GLI3: variants seen among roughly 807,000 people sequenced by gnomAD.
GLI3 encodes the protein transcription activator GLI3.
Under a neutral mutation model 100.8 loss-of-function variants are expected in GLI3, and 20 were observed. The observed-to-expected ratio is 0.20, with a 90% CI of 0.14 to 0.29. The LOEUF (loss-of-function observed/expected upper bound fraction) is 0.29, where lower values mean the gene tolerates loss of function less well. Among genes scored for constraint, GLI3 ranks in the 10% least tolerant of loss-of-function variants. The pLI is 1.00. For synonymous variants in GLI3, 938 were observed against 860.5 expected, an observed-to-expected ratio of 1.09 and a Z score of -1.58; for missense variants, 2,040 against 2,128.5, an observed-to-expected ratio of 0.96 and a Z score of 0.82.
At chr7:42,032,736 T>A (rs959239548) in intron 7 of GLI3, among the ~76,000 whole-genome samples, 5 of 152,064 alleles carry the variant, frequency 3.3e-5, no homozygotes, top group Non-Finnish European at 7.4e-5. Flanking sequence ...TAAGAGCTGA[T>A]TACAATATTC....
At chr7:42,129,793 G>C (rs1409151125) in intron 3 of GLI3, among the ~76,000 whole-genome samples, 3 of 152,008 alleles carry the variant, frequency 2.0e-5, no homozygotes, top group Non-Finnish European at 2.9e-5. Context: ...CTGGGCGACA[G>C]ACCGAGACTC....
At position 41,989,018 on chromosome 7, in the gene GLI3, A is replaced by G. The variant is rs142667019; in HGVS notation, c.1498-10270T>C. Among the ~76,000 whole-genome samples the G allele has an allele frequency of 4.1e-4, 63 of 152,318 alleles. 1 individual carries two copies. In the East Asian group the frequency reaches 0.012, roughly 29 times the overall value. ...TAAACTATTCTAAGACTCTGTGCAC[A>G]TCGTTTCTACAAGTTACTGAGCAGA... On this transcript the variant is annotated intron_variant, in intron 10 of 14. Transcript: ENST00000395925.
chr7:42,123,549 A>G (rs1168385809), intron 3 of GLI3, among the ~76,000 whole-genome samples: 1 of 152,270 alleles, frequency 6.6e-6, no homozygotes, highest in Non-Finnish European at 1.5e-5. Flanking sequence ...AATTCAGTTT[A>G]GGCACAACAC....
intron 2 of GLI3, among the ~76,000 whole-genome samples, chr7:42,183,789 G>C (rs1344781750): frequency 6.6e-6 from 1 of 152,124 alleles, no homozygotes; most frequent in Non-Finnish European, 1.5e-5. Context: ...CCTCTTCAGA[G>C]CTGGACCGTC....
chr7:42,254,499 ATG>A (rs1475433132), intron 1 of GLI3, among the ~76,000 whole-genome samples: 1 of 152,208 alleles, frequency 6.6e-6, no homozygotes, highest in African/African-American at 2.4e-5. Flanking sequence ...GAGCATTTAA[ATG>A]TGTCATGGAT....
At chr7:42,055,072 T>C (rs11771459) in intron 4 of GLI3, among the ~76,000 whole-genome samples, 3,008 of 135,738 alleles carry the variant, frequency 0.022, 34 homozygotes, top group Non-Finnish European at 0.031. Flanking sequence ...TATGTATACA[T>C]ATATATGTAT....
At chr7:42,122,898 C>A (rs772392705) in intron 3 of GLI3, among the ~76,000 whole-genome samples, 1 of 152,172 alleles carries the variant, frequency 6.6e-6, no homozygotes, top group Non-Finnish European at 1.5e-5. Context: ...TACTAGAACA[C>A]GCAAGAGTGT....
chr7:42,172,426 G>A (rs1212119635), intron 2 of GLI3: 4 of 624,766 alleles, frequency 6.4e-6, no homozygotes, highest in Non-Finnish European at 1.2e-5. Flanking sequence ...TCAAAAAGCA[G>A]AATTAGATAG....
At chr7:42,089,143 A>G (rs1785164730) in intron 3 of GLI3, among the ~76,000 whole-genome samples, 1 of 152,174 alleles carries the variant, frequency 6.6e-6, no homozygotes, top group Non-Finnish European at 1.5e-5. Flanking sequence ...GTCTGCATCT[A>G]TACCTTGTAC....
At chr7:42,172,722 G>A (rs1383804923) in intron 2 of GLI3, 1 of 677,830 alleles carries the variant, frequency 1.5e-6, no homozygotes. Flanking sequence ...CAGTGGAGCT[G>A]AGAGTTTTCC....
Position 41,966,225 on chromosome 7 carries a change from T to G in GLI3, c.2848A>C (p.Arg950=). The change falls in exon 15 of 15, where the codon AGG becomes CGG. Residue 950 remains arginine (R), a synonymous_variant. Transcript: ENST00000395925. This position sits in a 1 kb window ranked among gnomAD's most constrained non-coding sequence, Gnocchi z 5.8. ...GCCAGGCGCGTCTTCAGGCTCATCC[T>G]CTCCATGTTGGGCAGGGGCGTCGGC... ...PPPTPLPNME[R]MSLKTRLALL... 6.2e-7 allele frequency: 1 copy of G among 1,608,790 alleles called. No individual in the cohort carries two copies. The highest frequency in any genetic ancestry group is 8.5e-7 in the Non-Finnish European group (1 of 1,179,006).
chr7:42,146,285 C>T lies in GLI3; in HGVS notation c.367+1941G>A, dbSNP rs78046089. 5.6e-3 allele frequency among the ~76,000 whole-genome samples: 847 copies of T among 152,268 alleles called. 10 individuals are homozygous for T. Among genetic ancestry groups the T allele is most frequent in the African/African-American group, 0.019 (800 of 41,532 alleles). On this transcript the variant is annotated intron_variant, in intron 3 of 14. Coordinates refer to ENST00000395925, the MANE Select transcript of GLI3 (RefSeq NM_000168.6). ...ATTCAGATCCCCCTAAGAGCTCTCC[C>T]GTGCCCATCATTAGTTAATAGGACA...
At position 42,132,262 on chromosome 7, in the gene GLI3, G is replaced by GCCACCATGCCCA. The variant is rs1562748790; in HGVS notation, c.367+15963_367+15964insTGGGCATGGTGG. Among the ~76,000 whole-genome samples, 24 of 149,992 alleles carry GCCACCATGCCCA rather than the reference G, an allele frequency of 1.6e-4. 1 individual carries two copies. Among genetic ancestry groups the GCCACCATGCCCA allele is most frequent in the Non-Finnish European group, 3.0e-4 (20 of 67,716 alleles). On this transcript the variant is annotated intron_variant, in intron 3 of 14. Coordinates refer to ENST00000395925, the MANE Select transcript of GLI3 (RefSeq NM_000168.6). The stretch of plus-strand genomic sequence containing the variant: ...ACTACAGGCGCCCGCCACTACGCCC[G>GCCACCATGCCCA]GCTAATTTTTTGTATTTTTAGTAGA...
At chr7:42,185,214 G>T (rs1304969332) in intron 2 of GLI3, among the ~76,000 whole-genome samples, 1 of 152,126 alleles carries the variant, frequency 6.6e-6, no homozygotes, top group African/African-American at 2.4e-5. Flanking sequence ...CTACTGTGGG[G>T]GTTTCAGGGC....
At chr7:42,167,813 C>A (rs1388019590) in intron 2 of GLI3, among the ~76,000 whole-genome samples, 1 of 152,150 alleles carries the variant, frequency 6.6e-6, no homozygotes, top group African/African-American at 2.4e-5. Flanking sequence ...GAGAAAAAAT[C>A]AGACATAAAG....
chr7:42,189,639 C>T (rs536709605), intron 2 of GLI3, among the ~76,000 whole-genome samples: 4 of 152,118 alleles, frequency 2.6e-5, no homozygotes, highest in Non-Finnish European at 5.9e-5. Context: ...CCACTTTGTA[C>T]TCTGATGGCT....
At chr7:42,194,059 T>C (rs572874750) in intron 2 of GLI3, among the ~76,000 whole-genome samples, 11 of 152,288 alleles carry the variant, frequency 7.2e-5, no homozygotes, top group South Asian at 2.1e-4. Flanking sequence ...CCCATGATGA[T>C]AGTATCGATT....
intron 2 of GLI3, among the ~76,000 whole-genome samples, chr7:42,207,419 G>A (rs1788178457): frequency 6.6e-6 from 1 of 152,186 alleles, no homozygotes; most frequent in Non-Finnish European, 1.5e-5. Context: ...TTTAAAAAGC[G>A]AGGTAAGGTT....
At chr7:42,144,585 C>A (rs985663440) in intron 3 of GLI3, among the ~76,000 whole-genome samples, 2 of 151,410 alleles carry the variant, frequency 1.3e-5, no homozygotes, top group African/African-American at 2.4e-5. Context: ...TGATTTTTGC[C>A]TAACTACAAT....
Sources: gnomAD v4.1 joint callset for allele counts (sites outside exome capture counted in the v4.1 genomes callset) on GRCh38, gnomAD v4.1.1 for gene constraint, Gnocchi (gnomAD v3.1) non-coding constraint, MANE v1.5 for transcripts, NCBI Gene and HGNC (gene_info 2026-07-23, HGNC 2026-07-21) for gene names.